VRK2: variants seen among roughly 807,000 people sequenced by gnomAD.
VRK2 encodes the protein serine/threonine-protein kinase VRK2.
Under a neutral mutation model 57.6 loss-of-function variants are expected in VRK2, and 60 were observed. That is an observed-to-expected ratio of 1.04 (90% CI 0.85 to 1.29). The LOEUF (loss-of-function observed/expected upper bound fraction) is 1.29, where lower values mean the gene tolerates loss of function less well. VRK2 is among the 50% of genes most tolerant of loss of function. The pLI, the probability that VRK2 is intolerant of heterozygous loss-of-function variation, is 0.00. For missense variants in VRK2, 705 were observed against 588.1 expected (o/e 1.20, Z -2.06); for synonymous variants, 231 against 199.2 (o/e 1.16, Z -1.35).
At chr2:58,020,255 G>A (rs370563492) in intron 1 of VRK2, among the ~76,000 whole-genome samples, 1 of 152,128 alleles carries the variant, frequency 6.6e-6, no homozygotes, top group South Asian at 2.1e-4. Flanking sequence ...CTGTTGTCCC[G>A]GCCTGGAGGG....
chr2:57,912,301 C>T (rs1280740340), intron 1 of VRK2, among the ~76,000 whole-genome samples: 1 of 152,192 alleles, frequency 6.6e-6, no homozygotes, highest in Non-Finnish European at 1.5e-5. Context: ...TGGGTTCATA[C>T]TTTGAGTGAT....
At chr2:58,109,724 G>A (rs1573154067) in intron 7 of VRK2, among the ~76,000 whole-genome samples, 1 of 152,154 alleles carries the variant, frequency 6.6e-6, no homozygotes, top group East Asian at 1.9e-4. Context: ...CAACACATGG[G>A]AATTACAATT....
intron 2 of VRK2, 105 bp from the exon 3 acceptor site, chr2:58,083,984 T>C: frequency 8.2e-7 from 1 of 1,223,092 alleles, no homozygotes; most frequent in Non-Finnish European, 1.1e-6. Flanking sequence ...GATGACATAA[T>C]AAACTTACAT....
At chr2:58,007,289 A>T (rs1673277936) in intron 1 of VRK2, among the ~76,000 whole-genome samples, 1 of 151,598 alleles carries the variant, frequency 6.6e-6, no homozygotes, top group Non-Finnish European at 1.5e-5. Flanking sequence ...GTGTTTATGT[A>T]TGTATATGTA....
Position 58,159,778 on chromosome 2 carries a change from CCAGA to C in VRK2, c.*88_*91del. 1 of 1,613,074 alleles carries C rather than the reference CCAGA, an allele frequency of 6.2e-7. No homozygotes were observed. Among genetic ancestry groups the C allele is most frequent in the Non-Finnish European group, 8.5e-7 (1 of 1,179,560 alleles). On this transcript the variant is annotated 3_prime_UTR_variant, in exon 13 of 13. Transcript: ENST00000340157. ...TGTATTCTTATTTCAGTGTTTCCTT[CCAGA>C]CATTTTTAAGGTAATTGGCTTTAAA...
chr2:57,995,005 T>A (rs1430693958), intron 1 of VRK2, among the ~76,000 whole-genome samples: 1 of 152,206 alleles, frequency 6.6e-6, no homozygotes, highest in East Asian at 1.9e-4. Flanking sequence ...TATGTTCTTA[T>A]ACAGAAATTT....
chr2:58,041,619 A>C (rs1419441034), intron 3 of VRK2, among the ~76,000 whole-genome samples: 3 of 152,214 alleles, frequency 2.0e-5, no homozygotes, highest in African/African-American at 7.2e-5. Context: ...ATGGCCCTGC[A>C]AACATTCTCT....
intron 1 of VRK2, among the ~76,000 whole-genome samples, chr2:57,985,586 C>T (rs1389188002): frequency 6.6e-6 from 1 of 152,048 alleles, no homozygotes; most frequent in African/African-American, 2.4e-5. Flanking sequence ...AAGAAACCTA[C>T]AGCCAACATT....
At chr2:57,922,025 A>C (rs1670366159) in intron 1 of VRK2, among the ~76,000 whole-genome samples, 1 of 152,000 alleles carries the variant, frequency 6.6e-6, no homozygotes, top group Non-Finnish European at 1.5e-5. Context: ...GTAAACTCTA[A>C]AATCTTGTTT....
chr2:58,035,700 C>A (rs577700024), intron 3 of VRK2, among the ~76,000 whole-genome samples: 1 of 152,094 alleles, frequency 6.6e-6, no homozygotes, highest in South Asian at 2.1e-4. Flanking sequence ...ATTTTTGTAG[C>A]CTTCTTCTAT....
chr2:58,143,333 G>A (rs1681616760), intron 11 of VRK2, among the ~76,000 whole-genome samples: 1 of 151,880 alleles, frequency 6.6e-6, no homozygotes, highest in Non-Finnish European at 1.5e-5. Context: ...CATTTGTGTA[G>A]TATCCTTCTA....
chr2:57,912,197 A>C (rs1670005515), intron 1 of VRK2, among the ~76,000 whole-genome samples: 1 of 152,222 alleles, frequency 6.6e-6, no homozygotes, highest in South Asian at 2.1e-4. Context: ...TTAGCAAAAG[A>C]GCTAGTTTAG....
At chr2:57,962,833 C>T (rs2104001766) in intron 1 of VRK2, among the ~76,000 whole-genome samples, 1 of 152,264 alleles carries the variant, frequency 6.6e-6, no homozygotes. Flanking sequence ...ACTGGAGGAG[C>T]TAGCAAACAA....
intron 12 of VRK2, among the ~76,000 whole-genome samples, chr2:58,154,447 A>G (rs1216755314): frequency 2.0e-5 from 3 of 151,954 alleles, no homozygotes; most frequent in Non-Finnish European, 4.4e-5. Flanking sequence ...CAAATCCATC[A>G]TGTCACATAC....
intron 10 of VRK2, among the ~76,000 whole-genome samples, chr2:58,138,993 G>A (rs1309511895): frequency 1.3e-5 from 2 of 151,998 alleles, no homozygotes; most frequent in Non-Finnish European, 2.9e-5. Flanking sequence ...GGGGAAAGGG[G>A]GTTTACTATG....
intron 1 of VRK2, among the ~76,000 whole-genome samples, chr2:57,974,397 T>A (rs1467946111): frequency 6.6e-6 from 1 of 151,898 alleles, no homozygotes; most frequent in African/African-American, 2.4e-5. Flanking sequence ...ACTTTTAAAG[T>A]ATATATGGGA....
At chr2:58,035,031 T>C (rs923449130) in intron 3 of VRK2, among the ~76,000 whole-genome samples, 11 of 151,970 alleles carry the variant, frequency 7.2e-5, no homozygotes, top group Non-Finnish European at 1.0e-4. Flanking sequence ...TCAAGGTGTG[T>C]TGGTATTAAT....
At chr2:58,068,304 A>G (rs1668901820) in intron 2 of VRK2, among the ~76,000 whole-genome samples, 1 of 152,058 alleles carries the variant, frequency 6.6e-6, no homozygotes, top group Non-Finnish European at 1.5e-5. Flanking sequence ...GAATGTCTTC[A>G]TTTAGTTTCT....
intron 3 of VRK2, among the ~76,000 whole-genome samples, chr2:58,084,511 T>A (rs1304923561): frequency 1.3e-5 from 2 of 151,874 alleles, no homozygotes; most frequent in African/African-American, 2.4e-5. Context: ...AGGTATCATG[T>A]GTGAGTGGAC....
Sources: allele counts gnomAD v4.1 joint callset (sites outside exome capture counted in the v4.1 genomes callset), GRCh38; gene constraint gnomAD v4.1.1; transcripts MANE v1.5; gene names NCBI Gene and HGNC (gene_info 2026-07-23, HGNC 2026-07-21).